Variants in FTCDNL1 observed in about 807,000 individuals in gnomAD.
The protein encoded by FTCDNL1 is formiminotransferase N-terminal subdomain-containing protein.
FTCDNL1 carries 11 observed loss-of-function variants against 5.9 expected under a neutral mutation model. The ratio of observed to expected loss-of-function variants is 1.87; its 90% CI spans 1.18 to 3.10. The LOEUF (loss-of-function observed/expected upper bound fraction) is 3.10, where lower values mean the gene tolerates loss of function less well. FTCDNL1 is among the 30% of genes most tolerant of loss of function. The pLI, the probability that FTCDNL1 is intolerant of heterozygous loss-of-function variation, is 0.00. For synonymous variants in FTCDNL1, 58 were observed against 24.8 expected (o/e 2.34, Z -3.99); for missense variants, 115 against 65.5 (o/e 1.76, Z -2.61).
the FTCDNL1 span, among the ~76,000 whole-genome samples, chr2:199,676,314 T>C: frequency 1.3e-5 from 2 of 152,172 alleles, no homozygotes; most frequent in Admixed American, 6.5e-5. Flanking sequence ...TGGTTTTTCA[T>C]ACTCCAGCAT....
At chr2:199,754,093 G>A in the FTCDNL1 span, among the ~76,000 whole-genome samples, 1 of 152,200 alleles carries the variant, frequency 6.6e-6, no homozygotes, top group African/African-American at 2.4e-5. Context: ...CATGGAAGTG[G>A]AGAGAGAACG....
chr2:199,840,730 T>C (rs1262185921), intron 3 of FTCDNL1, among the ~76,000 whole-genome samples: 1 of 152,048 alleles, frequency 6.6e-6, no homozygotes, highest in East Asian at 1.9e-4. Flanking sequence ...GTACTTAGAA[T>C]TTTTAGAATA....
At chr2:199,805,611 C>T (rs1001680986), downstream of FTCDNL1, among the ~76,000 whole-genome samples, 5 of 152,070 alleles carry the variant, frequency 3.3e-5, no homozygotes, top group South Asian at 2.1e-4. Context: ...TGGCAGCGTG[C>T]GCCTGTAATC....
At chr2:199,696,652 T>G in the FTCDNL1 span, among the ~76,000 whole-genome samples, 1 of 151,444 alleles carries the variant, frequency 6.6e-6, no homozygotes, top group Admixed American at 6.6e-5. Flanking sequence ...AAAAAATCCA[T>G]CCAAAGGACA....
chr2:199,763,161 G>T (rs1698351071), intron 3 of FTCDNL1, among the ~76,000 whole-genome samples: 1 of 152,126 alleles, frequency 6.6e-6, no homozygotes, highest in South Asian at 2.1e-4. Flanking sequence ...CAATTATAGA[G>T]ACGTCATGCA....
the FTCDNL1 span, among the ~76,000 whole-genome samples, chr2:199,722,850 G>A: frequency 6.6e-6 from 1 of 152,084 alleles, no homozygotes; most frequent in East Asian, 1.9e-4. Context: ...TCCCTTGTTA[G>A]TTGTATTCCT....
At chr2:199,815,982 A>C (rs1701327576) in intron 4 of FTCDNL1, among the ~76,000 whole-genome samples, 1 of 150,318 alleles carries the variant, frequency 6.7e-6, no homozygotes, top group East Asian at 1.9e-4. Context: ...CCTGGGTGAC[A>C]GAGCGAGACT....
chr2:199,676,599 A>C, the FTCDNL1 span, among the ~76,000 whole-genome samples: 1 of 151,994 alleles, frequency 6.6e-6, no homozygotes, highest in Non-Finnish European at 1.5e-5. Flanking sequence ...AAACATGCAC[A>C]AAAAATAAAA....
chr2:199,792,595 T>A (rs1699986208), intron 3 of FTCDNL1, among the ~76,000 whole-genome samples: 1 of 152,194 alleles, frequency 6.6e-6, no homozygotes, highest in East Asian at 1.9e-4. Flanking sequence ...ACATCACTTA[T>A]TTCCCATTCT....
intron 4 of FTCDNL1, 92 bp from the exon 5 acceptor site, chr2:199,812,816 C>T (rs1701115758): frequency 6.7e-6 from 4 of 601,074 alleles, no homozygotes; most frequent in Non-Finnish European, 1.2e-5. Context: ...GTGTTTACTC[C>T]TAGTTAAATA....
chr2:199,730,112 A>G, the FTCDNL1 span, among the ~76,000 whole-genome samples: 1 of 152,234 alleles, frequency 6.6e-6, no homozygotes, highest in African/African-American at 2.4e-5. Flanking sequence ...AGGATTCCCT[A>G]TTTAATAAAT....
At chr2:199,770,272 C>A (rs570253600) in intron 3 of FTCDNL1, among the ~76,000 whole-genome samples, 2 of 152,280 alleles carry the variant, frequency 1.3e-5, no homozygotes, top group South Asian at 4.1e-4. Flanking sequence ...CTTAAGAGAG[C>A]ATGTCACAGG....
At chr2:199,724,027 G>A in the FTCDNL1 span, among the ~76,000 whole-genome samples, 1 of 152,054 alleles carries the variant, frequency 6.6e-6, no homozygotes, top group African/African-American at 2.4e-5. Context: ...GCTTTTTTTG[G>A]TTGGTAGGCT....
intron 2 of FTCDNL1, among the ~76,000 whole-genome samples, chr2:199,846,695 C>T (rs368164092): frequency 1.3e-4 from 20 of 152,336 alleles, no homozygotes; most frequent in South Asian, 2.1e-4. Flanking sequence ...ATCTCCTTTT[C>T]GGAGGCCACC....
At chr2:199,755,365 C>T in the FTCDNL1 span, among the ~76,000 whole-genome samples, 1 of 152,172 alleles carries the variant, frequency 6.6e-6, no homozygotes, top group Admixed American at 6.5e-5. Flanking sequence ...AAAGCAGCTC[C>T]TTCAGTCTGT....
chr2:199,717,742 G>C, the FTCDNL1 span, among the ~76,000 whole-genome samples: 2 of 151,754 alleles, frequency 1.3e-5, no homozygotes, highest in Admixed American at 6.6e-5. Context: ...GCTTGACTTA[G>C]TGCTATTCCA....
intron 3 of FTCDNL1, among the ~76,000 whole-genome samples, chr2:199,832,229 T>C (rs187420253): frequency 5.8e-4 from 88 of 152,362 alleles, no homozygotes; most frequent in African/African-American, 2.0e-3. Flanking sequence ...TAAAGAATTA[T>C]ACTTTCCTGA....
the FTCDNL1 span, among the ~76,000 whole-genome samples, chr2:199,713,437 A>T: frequency 6.6e-6 from 1 of 152,188 alleles, no homozygotes; most frequent in East Asian, 1.9e-4. Flanking sequence ...CTTCCCAGAC[A>T]TGGCACAGGT....
the FTCDNL1 span, among the ~76,000 whole-genome samples, chr2:199,700,020 A>G: frequency 6.6e-6 from 1 of 152,166 alleles, no homozygotes; most frequent in Admixed American, 6.5e-5. Context: ...CACCACTCCT[A>G]TTCAACATAG....
Sources: allele counts gnomAD v4.1 joint callset (sites outside exome capture counted in the v4.1 genomes callset), GRCh38; gene constraint gnomAD v4.1.1; transcripts MANE v1.5; gene names NCBI Gene and HGNC (gene_info 2026-07-23, HGNC 2026-07-21).